The following FHIP1A variants were observed in gnomAD, a reference collection of about 807,000 sequenced individuals.
FHIP1A encodes the protein FHF complex subunit HOOK interacting protein 1A, also known as FHF complex subunit HOOK-interacting protein 1A.
FHIP1A carries 61 observed loss-of-function variants against 88.6 expected under a neutral mutation model. That is an observed-to-expected ratio of 0.69 (90% CI 0.56 to 0.85). The LOEUF (loss-of-function observed/expected upper bound fraction) is 0.85, where lower values mean the gene tolerates loss of function less well. Among genes scored for constraint, FHIP1A ranks in the 40% least tolerant of loss-of-function variants. FHIP1A has a pLI of 0.00. For missense variants in FHIP1A, 1,154 were observed against 1,273.5 expected, an observed-to-expected ratio of 0.91 and a Z score of 1.43; for synonymous variants, 478 against 496.0, an observed-to-expected ratio of 0.96 and a Z score of 0.48.
intron 11 of FHIP1A, among the ~76,000 whole-genome samples, chr4:151,653,976 C>T (rs1423243438): frequency 6.6e-6 from 1 of 152,008 alleles, no homozygotes; most frequent in Non-Finnish European, 1.5e-5. Context: ...AATAAAACTG[C>T]TGTCCTCCAG....
At chr4:151,516,638 A>G (rs1560742692) in intron 3 of FHIP1A, among the ~76,000 whole-genome samples, 1 of 152,230 alleles carries the variant, frequency 6.6e-6, no homozygotes, top group Non-Finnish European at 1.5e-5. Flanking sequence ...AAAAGTGGGC[A>G]AAGGACAGGA....
chr4:151,455,173 A>G (rs1418556796), intron 2 of FHIP1A, among the ~76,000 whole-genome samples: 1 of 152,164 alleles, frequency 6.6e-6, no homozygotes, highest in African/African-American at 2.4e-5. Flanking sequence ...TACACACACA[A>G]CTTATATTTT....
chr4:151,617,518 C>T (rs1735587227), intron 7 of FHIP1A, among the ~76,000 whole-genome samples: 1 of 152,138 alleles, frequency 6.6e-6, no homozygotes, highest in Admixed American at 6.5e-5. Context: ...CCCTCATCAT[C>T]CTCTGAACAG....
intron 7 of FHIP1A, among the ~76,000 whole-genome samples, chr4:151,597,105 A>G (rs1734677486): frequency 1.3e-5 from 2 of 152,082 alleles, no homozygotes; most frequent in African/African-American, 4.8e-5. Context: ...GAGAAGAGGC[A>G]TTCTGGTTTT....
chr4:151,441,050 C>T (rs1728393789), intron 1 of FHIP1A, among the ~76,000 whole-genome samples: 1 of 152,150 alleles, frequency 6.6e-6, no homozygotes, highest in Non-Finnish European at 1.5e-5. Flanking sequence ...CCCTCACTTG[C>T]ATGAAGCCCC....
chr4:151,447,829 C>T (rs1580576696), intron 1 of FHIP1A, among the ~76,000 whole-genome samples: 1 of 152,138 alleles, frequency 6.6e-6, no homozygotes, highest in Non-Finnish European at 1.5e-5. Context: ...GAGAAGACAG[C>T]CATCTGCAAG....
Position 151,412,357 on chromosome 4 carries a change from C to T in FHIP1A, c.-356+2892C>T, listed in dbSNP as rs186954044. Reference sequence around the variant, plus strand: ...CTGACCTCAGGTGACCCACCCACCTCGGCCTCCCAAAGTGCTGGGATTACA... The same window carrying T: ...CTGACCTCAGGTGACCCACCCACCTTGGCCTCCCAAAGTGCTGGGATTACA... On this transcript the variant is annotated intron_variant, in intron 1 of 13. Coordinates refer to ENST00000435205, the MANE Select transcript of FHIP1A (RefSeq NM_001109977.3). 2.0e-4 allele frequency among the ~76,000 whole-genome samples: 31 copies of T among 152,168 alleles called. No homozygotes were observed. The East Asian group carries it at 3.7e-3, about 18-fold the overall frequency.
Position 151,656,735 on chromosome 4 carries a change from A to G in FHIP1A, c.2731-25A>G. 6.5e-7 allele frequency: 1 copy of G among 1,541,124 alleles called. No homozygotes were observed. On this transcript the variant is annotated intron_variant, in intron 12 of 13. Transcript: ENST00000435205. This position sits in a 1 kb window ranked among gnomAD's most constrained non-coding sequence, Gnocchi z 4.2. ...AGTGGAATTTCATGGTGAGGCATTAACATCAGTAATGCTGTTTTTGACAGG... is the reference window on the plus strand; with the variant it reads ...AGTGGAATTTCATGGTGAGGCATTAGCATCAGTAATGCTGTTTTTGACAGG...
chr4:151,643,987 A>AT (rs1736692678), intron 9 of FHIP1A, among the ~76,000 whole-genome samples: 1 of 152,246 alleles, frequency 6.6e-6, no homozygotes, highest in Non-Finnish European at 1.5e-5. Flanking sequence ...CCAGTGTTCC[A>AT]TTTTTAATAC....
chr4:151,492,795 A>G (rs1223740198), intron 3 of FHIP1A, among the ~76,000 whole-genome samples: 1 of 152,194 alleles, frequency 6.6e-6, no homozygotes, highest in Non-Finnish European at 1.5e-5. Context: ...GAATGATAAT[A>G]GTGACAACTG....
At chr4:151,519,774 A>C (rs1262805301) in intron 3 of FHIP1A, among the ~76,000 whole-genome samples, 4 of 152,160 alleles carry the variant, frequency 2.6e-5, no homozygotes, top group African/African-American at 9.7e-5. Context: ...ATTCCCACTC[A>C]TAATGTATAA....
rs28447105 is a variant in FHIP1A, at chr4:151,669,020, G to A, written c.*6266G>A. On this transcript the variant is annotated 3_prime_UTR_variant, in exon 14 of 14. Coordinates refer to ENST00000435205, the MANE Select transcript of FHIP1A (RefSeq NM_001109977.3). Reference sequence around the variant, plus strand: ...ATTTTAATGAGATTTCTCCCTGAAGGGTGAACCAGTAGACCAGACTAAACG... The same window carrying A: ...ATTTTAATGAGATTTCTCCCTGAAGAGTGAACCAGTAGACCAGACTAAACG... Among the ~76,000 whole-genome samples the A allele has an allele frequency of 0.16, 24,540 of 152,116 alleles. 2,526 individuals are homozygous for A. Among genetic ancestry groups the A allele is most frequent in the African/African-American group, 0.3 (12,510 of 41,424 alleles).
chr4:151,546,417 T>G (rs909554232), intron 3 of FHIP1A, among the ~76,000 whole-genome samples: 3 of 152,226 alleles, frequency 2.0e-5, no homozygotes, highest in Non-Finnish European at 4.4e-5. Flanking sequence ...CTTCTTGGCC[T>G]CCATAATTGC....
Position 151,650,339 on chromosome 4 carries a change from C to T in FHIP1A, c.2298C>T (p.Ala766=), listed in dbSNP as rs1282272358. 1.4e-5 allele frequency: 22 copies of T among 1,551,600 alleles called. No homozygotes were observed. In the South Asian group the frequency reaches 1.7e-4, roughly 12 times the overall value. Residue 766 remains alanine (A), a synonymous_variant, in exon 11 of 14, where the codon GCC becomes GCT. Coordinates refer to ENST00000435205, the MANE Select transcript of FHIP1A (RefSeq NM_001109977.3). Reference sequence around the variant, plus strand: ...TCATTAAAGAGCTGGATTCCGGCGCCGAGGGCTTGATGGAACAGAATTACC... The same window carrying T: ...TCATTAAAGAGCTGGATTCCGGCGCTGAGGGCTTGATGGAACAGAATTACC... ...DQIIKELDSG[A]EGLMEQNYPT...
At chr4:151,558,353 T>C (rs901973503) in intron 3 of FHIP1A, among the ~76,000 whole-genome samples, 1 of 152,000 alleles carries the variant, frequency 6.6e-6, no homozygotes, top group Non-Finnish European at 1.5e-5. Flanking sequence ...TTGGCCAACA[T>C]AGTGAAACCG....
intron 3 of FHIP1A, among the ~76,000 whole-genome samples, chr4:151,550,971 C>T (rs1244799882): frequency 6.6e-6 from 1 of 152,168 alleles, no homozygotes; most frequent in Non-Finnish European, 1.5e-5. Flanking sequence ...GGGGCAACAT[C>T]CTCCTTTAGT....
chr4:151,641,582 A>C (rs1434602568), intron 9 of FHIP1A, among the ~76,000 whole-genome samples: 1 of 152,098 alleles, frequency 6.6e-6, no homozygotes, highest in East Asian at 1.9e-4. Flanking sequence ...AGTGTATTTT[A>C]TGTGTGGCCC....
chr4:151,571,936 A>C (rs1287889737), intron 4 of FHIP1A, among the ~76,000 whole-genome samples: 1 of 152,216 alleles, frequency 6.6e-6, no homozygotes, highest in African/African-American at 2.4e-5. Flanking sequence ...GGCCGGGTGC[A>C]GTGGCTCTTG....
intron 6 of FHIP1A, 36 bp from the exon 7 acceptor site, chr4:151,588,804 C>A: frequency 7.8e-7 from 1 of 1,286,120 alleles, no homozygotes; most frequent in Non-Finnish European, 1.1e-6. Context: ...AGATTGAACT[C>A]TTTGCCTTTT....
Sources: gnomAD v4.1 joint callset for allele counts (sites outside exome capture counted in the v4.1 genomes callset) on GRCh38, gnomAD v4.1.1 for gene constraint, Gnocchi (gnomAD v3.1) non-coding constraint, MANE v1.5 for transcripts, NCBI Gene and HGNC (gene_info 2026-07-23, HGNC 2026-07-21) for gene names.